Variants in CNTN4 observed in about 807,000 individuals in gnomAD.
The protein encoded by CNTN4 is contactin-4.
Under a neutral mutation model 122.5 loss-of-function variants are expected in CNTN4, and 77 were observed. That is an observed-to-expected ratio of 0.63 (90% CI 0.52 to 0.76). CNTN4 has a LOEUF of 0.76. Ranked by LOEUF, CNTN4 falls within the 30% of genes least tolerant of loss-of-function variation. The pLI is 0.00. For synonymous variants in CNTN4, 512 were observed against 447.0 expected (o/e 1.15, Z -1.83); for missense variants, 1,256 against 1,259.1 (o/e 1.00, Z 0.04).
intron 4 of CNTN4, among the ~76,000 whole-genome samples, chr3:2,617,105 C>G (rs1032571854): frequency 6.6e-6 from 1 of 152,098 alleles, no homozygotes; most frequent in Non-Finnish European, 1.5e-5. Flanking sequence ...ACGTCAATGC[C>G]AAAAGCAACG....
intron 4 of CNTN4, among the ~76,000 whole-genome samples, chr3:2,576,749 T>C (rs528711767): frequency 1.3e-5 from 2 of 152,230 alleles, no homozygotes; most frequent in South Asian, 2.1e-4. Context: ...GGTTTTGCCA[T>C]GTGGGCCAGG....
intron 24 of CNTN4, among the ~76,000 whole-genome samples, chr3:3,054,921 A>G (rs1198431649): frequency 1.3e-5 from 2 of 152,156 alleles, no homozygotes; most frequent in African/African-American, 4.8e-5. Context: ...TTCAGATTTC[A>G]GTCTGGAGAT....
intron 3 of CNTN4, among the ~76,000 whole-genome samples, chr3:2,481,059 T>TTCTTTCTTTCTTTCTTTCTC (rs1459922534): frequency 4.3e-5 from 5 of 116,810 alleles, no homozygotes; most frequent in African/African-American, 1.6e-4. Flanking sequence ...CTTTCTTTCT[T>TTCTTTCTTTCTTTCTTTCTC]TCTCTCTTTC....
At chr3:2,906,478 T>C (rs1039046445) in intron 12 of CNTN4, among the ~76,000 whole-genome samples, 1 of 145,302 alleles carries the variant, frequency 6.9e-6, no homozygotes, top group East Asian at 1.9e-4. Context: ...AAAAGTAAAA[T>C]AATAAAAAAA....
At chr3:2,705,947 A>G (rs1394530900) in intron 4 of CNTN4, among the ~76,000 whole-genome samples, 1 of 129,742 alleles carries the variant, frequency 7.7e-6, no homozygotes. Flanking sequence ...AAATAAATAT[A>G]TAATATATAA....
At chr3:2,377,674 G>T (rs1361063070) in intron 3 of CNTN4, among the ~76,000 whole-genome samples, 1 of 152,204 alleles carries the variant, frequency 6.6e-6, no homozygotes, top group East Asian at 1.9e-4. Flanking sequence ...AAGCAAGCTT[G>T]TCCAACCTGT....
intron 4 of CNTN4, among the ~76,000 whole-genome samples, chr3:2,708,502 C>G (rs75746640): frequency 4.6e-5 from 7 of 152,154 alleles, no homozygotes; most frequent in African/African-American, 9.7e-5. Context: ...AGCTGCTGTG[C>G]GGAAGCTCTG....
chr3:2,131,640 C>A (rs913312376), intron 2 of CNTN4, among the ~76,000 whole-genome samples: 51 of 152,160 alleles, frequency 3.4e-4, no homozygotes, highest in African/African-American at 1.2e-3. Context: ...TGAGACAGCA[C>A]ACTCATGTAA....
intron 4 of CNTN4, among the ~76,000 whole-genome samples, chr3:2,640,772 C>T (rs536446620): frequency 6.6e-6 from 1 of 152,308 alleles, no homozygotes; most frequent in South Asian, 2.1e-4. Context: ...ATTTTCCACT[C>T]CTGTGATAAT....
chr3:2,189,491 G>C, intron 2 of CNTN4, among the ~76,000 whole-genome samples: 1 of 152,182 alleles, frequency 6.6e-6, no homozygotes, highest in Non-Finnish European at 1.5e-5. Flanking sequence ...GAGAGGGTCA[G>C]TGTTGTAGGA....
At chr3:2,264,907 G>A (rs2040980059) in intron 2 of CNTN4, among the ~76,000 whole-genome samples, 1 of 151,976 alleles carries the variant, frequency 6.6e-6, no homozygotes, top group African/African-American at 2.4e-5. Context: ...GTGGTATTTT[G>A]TTACATGAAT....
At chr3:2,212,479 C>T (rs1482607935) in intron 2 of CNTN4, among the ~76,000 whole-genome samples, 5 of 152,068 alleles carry the variant, frequency 3.3e-5, no homozygotes, top group Admixed American at 6.6e-5. Flanking sequence ...TACATGACAC[C>T]GGGCAAGAGG....
At chr3:2,416,040 T>C (rs964373754) in intron 3 of CNTN4, among the ~76,000 whole-genome samples, 1 of 152,296 alleles carries the variant, frequency 6.6e-6, no homozygotes, top group Non-Finnish European at 1.5e-5. Context: ...TTTGGTTACA[T>C]GTTTTGGAAT....
chr3:2,130,055 G>A (rs751204626), intron 2 of CNTN4, among the ~76,000 whole-genome samples: 1 of 152,214 alleles, frequency 6.6e-6, no homozygotes, highest in East Asian at 1.9e-4. Flanking sequence ...GTGGTAAAGT[G>A]ATAGAGCACA....
intron 6 of CNTN4, among the ~76,000 whole-genome samples, chr3:2,765,116 A>G (rs564591817): frequency 3.9e-5 from 6 of 152,360 alleles, no homozygotes; most frequent in Admixed American, 6.5e-5. Context: ...CTCAATTTCT[A>G]AATGCCGTAC....
intron 6 of CNTN4, among the ~76,000 whole-genome samples, chr3:2,803,539 A>C (rs1269533136): frequency 6.6e-6 from 1 of 151,528 alleles, no homozygotes; most frequent in East Asian, 1.9e-4. Context: ...TATATTAACT[A>C]TATTAACTGT....
intron 23 of CNTN4, among the ~76,000 whole-genome samples, chr3:3,046,532 T>C (rs1373890234): frequency 6.6e-6 from 1 of 152,054 alleles, no homozygotes; most frequent in African/African-American, 2.4e-5. Flanking sequence ...CAAACTAAGC[T>C]TCATCAGTGA....
At chr3:2,739,894 C>T (rs1356285814) in intron 5 of CNTN4, among the ~76,000 whole-genome samples, 1 of 152,160 alleles carries the variant, frequency 6.6e-6, no homozygotes, top group Non-Finnish European at 1.5e-5. Context: ...GTCTCAACTT[C>T]CTGTCCTTGA....
At chr3:2,671,661 C>T (rs149426558) in intron 4 of CNTN4, among the ~76,000 whole-genome samples, 84 of 152,240 alleles carry the variant, frequency 5.5e-4, no homozygotes, top group African/African-American at 1.8e-3. Context: ...GGAGGAGAGG[C>T]GCGCTGATTT....
Sources: gnomAD v4.1 joint callset for allele counts (sites outside exome capture counted in the v4.1 genomes callset) on GRCh38, gnomAD v4.1.1 for gene constraint, MANE v1.5 for transcripts, NCBI Gene and HGNC (gene_info 2026-07-23, HGNC 2026-07-21) for gene names.